The following PCDHGA2 variants were observed in gnomAD, a reference collection of about 807,000 sequenced individuals.
The protein encoded by PCDHGA2 is protocadherin gamma subfamily A, 2, also known as protocadherin gamma-A2.
PCDHGA2 carries 40 observed loss-of-function variants against 59.2 expected under a neutral mutation model. The ratio of observed to expected loss-of-function variants is 0.68; its 90% CI spans 0.52 to 0.88. The LOEUF (loss-of-function observed/expected upper bound fraction) is 0.88. PCDHGA2 is among the 40% of genes least tolerant of loss of function. The pLI is 0.00. For missense variants in PCDHGA2, 1,226 were observed against 1,204.0 expected (o/e 1.02, Z -0.27); for synonymous variants, 560 against 526.0 (o/e 1.06, Z -0.89).
At chr5:141,389,766 C>G in intron 1 of PCDHGA2, 1 of 1,613,060 alleles carries the variant, frequency 6.2e-7, no homozygotes, top group Non-Finnish European at 8.5e-7. Flanking sequence ...GCGCACAGCG[C>G]GTGCCTTAGG....
At chr5:141,430,392 A>G (rs2097281137) in intron 1 of PCDHGA2, among the ~76,000 whole-genome samples, 1 of 152,136 alleles carries the variant, frequency 6.6e-6, no homozygotes, top group Non-Finnish European at 1.5e-5. Context: ...GGAAAAAAAA[A>G]AAAAGCTCAC....
chr5:141,345,301 G>A, intron 1 of PCDHGA2: 1 of 1,613,946 alleles, frequency 6.2e-7, no homozygotes, highest in Non-Finnish European at 8.5e-7. Context: ...ATTAGTCTGA[G>A]AGCCTCAGAT....
intron 1 of PCDHGA2, chr5:141,345,793 T>A: frequency 1.9e-6 from 3 of 1,613,980 alleles, no homozygotes; most frequent in Non-Finnish European, 2.5e-6. Context: ...CCCGGCTACC[T>A]GGTGACCAAG....
chr5:141,390,874 G>C (rs2092257325), intron 1 of PCDHGA2: 1 of 153,302 alleles, frequency 6.5e-6, no homozygotes, highest in Non-Finnish European at 1.4e-5. Context: ...GTGCGTGTGT[G>C]TGTGTGTGTG....
chr5:141,398,107 A>C, intron 1 of PCDHGA2: 1 of 1,595,524 alleles, frequency 6.3e-7, no homozygotes, highest in Non-Finnish European at 8.5e-7. Flanking sequence ...GCTGGTGAGC[A>C]AGCTGAGGAG....
Position 141,476,758 on chromosome 5 carries a change from G to A in PCDHGA2, c.2425-18049G>A. On this transcript the variant is annotated intron_variant, in intron 1 of 3. Transcript: ENST00000394576. The surrounding 1 kb of genome is among the most constrained non-coding windows in gnomAD (Gnocchi z 7.6). Reference sequence around the variant, plus strand: ...GGGAGCCTAGTCTCCAGTTAGTGCTGACGGCGTTGGACGGAGGGACCCCAG... The same window carrying A: ...GGGAGCCTAGTCTCCAGTTAGTGCTAACGGCGTTGGACGGAGGGACCCCAG... 1 of 1,613,868 alleles carries A rather than the reference G, an allele frequency of 6.2e-7. No homozygotes were observed. The highest frequency in any genetic ancestry group is 1.1e-5 in the South Asian group (1 of 91,086).
Position 141,405,152 on chromosome 5 carries a change from G to T in PCDHGA2, c.2424+63757G>T, listed in dbSNP as rs550773622. Reference sequence around the variant, plus strand: ...GCGGGCTACCAGTGATGGGTTGGCTGGTGTGCCCACCTCACACTTTGTGGG... The same window carrying T: ...GCGGGCTACCAGTGATGGGTTGGCTTGTGTGCCCACCTCACACTTTGTGGG... On this transcript the variant is annotated intron_variant, in intron 1 of 3. Transcript: ENST00000394576. 180 of 1,613,896 alleles carry T rather than the reference G, an allele frequency of 1.1e-4. 1 individual carries two copies. In the South Asian group the frequency reaches 1.9e-3, roughly 17 times the overall value.
At chr5:141,468,797 C>A (rs191599825) in intron 1 of PCDHGA2, among the ~76,000 whole-genome samples, 1 of 151,770 alleles carries the variant, frequency 6.6e-6, no homozygotes, top group East Asian at 1.9e-4. Context: ...ACCCGGGAGG[C>A]GGAACTTGCA....
At chr5:141,495,652 T>C (rs1403816239) in intron 2 of PCDHGA2, among the ~76,000 whole-genome samples, 2 of 152,336 alleles carry the variant, frequency 1.3e-5, no homozygotes, top group Admixed American at 6.5e-5. Context: ...CTACTTGCAT[T>C]GATCTGTGCC....
At chr5:141,376,845 C>A (rs993126177) in intron 1 of PCDHGA2, 21 of 242,440 alleles carry the variant, frequency 8.7e-5, no homozygotes, top group Admixed American at 3.1e-4. Context: ...CGCCACCGCG[C>A]CCGGCTAATT....
intron 1 of PCDHGA2, among the ~76,000 whole-genome samples, chr5:141,381,235 C>T (rs760639728): frequency 6.6e-6 from 1 of 152,270 alleles, no homozygotes; most frequent in Non-Finnish European, 1.5e-5. Context: ...ACCAACTACT[C>T]TCCAGGACCT....
intron 1 of PCDHGA2, chr5:141,374,357 C>A: frequency 6.2e-7 from 1 of 1,614,018 alleles, no homozygotes; most frequent in Non-Finnish European, 8.5e-7. Flanking sequence ...TAGGATAGAC[C>A]GCGAGGAGCT....
intron 1 of PCDHGA2, among the ~76,000 whole-genome samples, chr5:141,451,493 T>C (rs1554137340): frequency 2.0e-5 from 3 of 152,230 alleles, no homozygotes; most frequent in Admixed American, 2.0e-4. Context: ...TGGACCTCCA[T>C]AGGGCAACCA....
At chr5:141,388,781 T>C (rs770000046) in intron 1 of PCDHGA2, 3 of 1,613,832 alleles carry the variant, frequency 1.9e-6, no homozygotes, top group Non-Finnish European at 2.5e-6. Flanking sequence ...CCGGGGAAAT[T>C]ACTGTTTTAA....
chr5:141,477,427 C>T lies in PCDHGA2; in HGVS notation c.2425-17380C>T. On this transcript the variant is annotated intron_variant, in intron 1 of 3. Coordinates refer to ENST00000394576, the MANE Select transcript of PCDHGA2 (RefSeq NM_018915.4). The surrounding 1 kb of genome is among the most constrained non-coding windows in gnomAD (Gnocchi z 4.9). ...CCCGAGACGCCGGAACCCCTTCCCT[C>T]TCAGCCCTTACAATAGTGCGTGTTC... The T allele has an allele frequency of 6.2e-7, 1 of 1,614,220 alleles. No homozygotes were observed. The highest frequency in any genetic ancestry group is 8.5e-7 in the Non-Finnish European group (1 of 1,180,046).
intron 1 of PCDHGA2, chr5:141,399,788 A>T: frequency 6.2e-7 from 1 of 1,613,174 alleles, no homozygotes; most frequent in South Asian, 1.1e-5. Context: ...CGAAACGACA[A>T]CGCACCGCGG....
Position 141,340,572 on chromosome 5 carries a change from C to G in PCDHGA2, c.1601C>G (p.Ala534Gly), listed in dbSNP as rs754851906. The change falls in exon 1 of 4, where the codon GCG becomes GGG. Residue 534 changes from alanine to glycine, a missense_variant. By Grantham distance (60) the Ala-to-Gly change is moderately conservative. Coordinates refer to ENST00000394576, the MANE Select transcript of PCDHGA2 (RefSeq NM_018915.4). ...QLRDLQVWVI[A>G]RDSGNPPLSS... is the part of the protein sequence containing the mutation. Reference sequence around the variant, plus strand: ...CGAGACTTGCAAGTGTGGGTGATAGCGCGGGACAGCGGGAACCCTCCACTC... The same window carrying G: ...CGAGACTTGCAAGTGTGGGTGATAGGGCGGGACAGCGGGAACCCTCCACTC... 1 of 1,614,234 alleles carries G rather than the reference C, an allele frequency of 6.2e-7. No individual in the cohort carries two copies. Among genetic ancestry groups the G allele is most frequent in the Non-Finnish European group, 8.5e-7 (1 of 1,180,042 alleles).
intron 1 of PCDHGA2, chr5:141,408,156 T>C: frequency 6.6e-7 from 1 of 1,512,436 alleles, no homozygotes; most frequent in Non-Finnish European, 8.9e-7. Context: ...TAGAGTGCAC[T>C]TTCTCCAACT....
In PCDHGA2 at chr5:141,488,566, A is replaced by T. The variant is rs1354931497; in HGVS notation, c.2425-6241A>T. On this transcript the variant is annotated intron_variant, in intron 1 of 3. Coordinates refer to ENST00000394576, the MANE Select transcript of PCDHGA2 (RefSeq NM_018915.4). ...TGTCAGCTGACATTGAGATTTCCGC[A>T]AAGCATTGCTGGAGAGTCAGGGCAA... 5.9e-5 allele frequency among the ~76,000 whole-genome samples: 9 copies of T among 152,324 alleles called. No individual in the cohort carries two copies. In the East Asian group the frequency reaches 1.5e-3, roughly 26 times the overall value.
Sources: allele counts gnomAD v4.1 joint callset (sites outside exome capture counted in the v4.1 genomes callset), GRCh38; gene constraint gnomAD v4.1.1; non-coding constraint Gnocchi (gnomAD v3.1); transcripts MANE v1.5; gene names NCBI Gene and HGNC (gene_info 2026-07-23, HGNC 2026-07-21).